The following SNX11 variants were observed in gnomAD, a reference collection of about 807,000 sequenced individuals.
SNX11 encodes sorting nexin 11.
In SNX11, 19 loss-of-function variants were observed where a neutral mutation model predicts 30.7. That is an observed-to-expected ratio of 0.62 (90% confidence interval 0.43 to 0.91). The LOEUF is 0.91. Among genes scored for constraint, SNX11 ranks in the 40% least tolerant of loss-of-function variants. The pLI is 0.00. For synonymous variants in SNX11, 112 were observed against 119.0 expected (o/e 0.94, Z 0.38); for missense variants, 302 against 326.7 (o/e 0.92, Z 0.58).
At chr17:48,109,993 AGCTCCACT>A (rs11278935) in intron 1 of SNX11, among the ~76,000 whole-genome samples, 88,786 of 137,508 alleles carry the variant, frequency 0.65, 26,412 homozygotes, top group East Asian at 0.81. Flanking sequence ...AAGATGTATG[AGCTCCACT>A]GAGTGGATGA....
intron 4 of SNX11, among the ~76,000 whole-genome samples, chr17:48,115,264 G>A (rs529425288): frequency 4.0e-5 from 6 of 150,914 alleles, no homozygotes; most frequent in African/African-American, 9.8e-5. Context: ...GTTTTACCAT[G>A]CTAGCCAGGC....
At chr17:48,120,980 TTA>T (rs2063595222) in intron 6 of SNX11, among the ~76,000 whole-genome samples, 1 of 151,658 alleles carries the variant, frequency 6.6e-6, no homozygotes, top group Non-Finnish European at 1.5e-5. Context: ...TCATTTTTGT[TTA>T]TATGTTCATA....
rs968811674 is a variant in SNX11, at chr17:48,118,642, G to A, written c.231-62G>A. 5.8e-6 allele frequency: 7 copies of A among 1,202,346 alleles called. No individual in the cohort carries two copies. The African/African-American group carries it at 9.1e-5, about 16-fold the overall frequency. 74.5% of individuals were successfully genotyped at this position (1,202,346 alleles called of 1,614,324 possible). ...TTTTTAAGGGATTTCCTTGATCAGA[G>A]GCCGGAATGACTATCTTAGATGTTA... On this transcript the variant is annotated intron_variant, in intron 4 of 6. Transcript: ENST00000359238.
At chr17:48,120,712 G>A (rs1367548855) in intron 6 of SNX11, among the ~76,000 whole-genome samples, 16 of 151,280 alleles carry the variant, frequency 1.1e-4, no homozygotes, top group Non-Finnish European at 1.5e-4. Context: ...GGGTTTCACC[G>A]TGTTAGCCAG....
chr17:48,114,078 A>C (rs2063518500), intron 4 of SNX11, among the ~76,000 whole-genome samples: 1 of 150,544 alleles, frequency 6.6e-6, no homozygotes, highest in Non-Finnish European at 1.5e-5. Flanking sequence ...CTGGTCTCAA[A>C]TTCCTGGACT....
In SNX11 at chr17:48,118,659, T is replaced by C. The variant is rs766246679; in HGVS notation, c.231-45T>C. ...TGATCAGAGGCCGGAATGACTATCT[T>C]AGATGTTACACTTATCATGGGTGTT... On this transcript the variant is annotated intron_variant, in intron 4 of 6. Coordinates refer to ENST00000359238, the MANE Select transcript of SNX11 (RefSeq NM_013323.3). 16 of 1,356,744 alleles carry C rather than the reference T, an allele frequency of 1.2e-5. No homozygotes were observed. In the South Asian group the frequency reaches 1.8e-4, roughly 15 times the overall value. The allele number at this position is 1,356,744 out of a possible 1,614,324, so 84.0% of individuals were successfully genotyped here.
chr17:48,116,130 G>T (rs1048892602), intron 4 of SNX11, among the ~76,000 whole-genome samples: 1 of 152,072 alleles, frequency 6.6e-6, no homozygotes, highest in African/African-American at 2.4e-5. Context: ...GTGGTGGCAG[G>T]TGCCTGTAAT....
Position 48,118,989 on chromosome 17 carries a change from G to A in SNX11, c.342G>A (p.Val114=). The A allele has an allele frequency of 6.2e-7, 1 of 1,614,050 alleles. No individual in the cohort carries two copies. Among genetic ancestry groups the A allele is most frequent in the Non-Finnish European group, 8.5e-7 (1 of 1,180,002 alleles). ...TTTTTCCCAGGGTCCTGCAGAGTGTGGTTCTCCTGTCAGACAGCCAGTTGC... is the reference window on the plus strand; with the variant it reads ...TTTTTCCCAGGGTCCTGCAGAGTGTAGTTCTCCTGTCAGACAGCCAGTTGC... ...QHFLEKVLQS[V]VLLSDSQLHL... The change falls in exon 6 of 7, where the codon GTG becomes GTA. Residue 114 remains valine (V), a synonymous_variant. Coordinates refer to ENST00000359238, the MANE Select transcript of SNX11 (RefSeq NM_013323.3).
rs368860741 is a variant in SNX11 at position 48,121,393 on chromosome 17, A to T, written c.698A>T (p.Asp233Val). 6.2e-7 allele frequency: 1 copy of T among 1,614,156 alleles called. No individual in the cohort carries two copies. Among genetic ancestry groups the T allele is most frequent in the South Asian group, 1.1e-5 (1 of 91,082 alleles). Residue 233 changes from aspartate to valine, a missense_variant, in exon 7 of 7, where the codon GAT becomes GTT. Transcript: ENST00000359238. ...CCCCTCTCCTCACCATTATGCTGTG[A>T]TTTTGGAAGACCCAAAGAGGGAACC... ...LPPLSSPLCC[D>V]FGRPKEGTST... is the part of the protein sequence containing the mutation.
intron 4 of SNX11, among the ~76,000 whole-genome samples, chr17:48,116,261 A>G (rs1392999893): frequency 6.6e-6 from 1 of 152,128 alleles, no homozygotes; most frequent in East Asian, 1.9e-4. Context: ...TCTCAAAAAC[A>G]ACAACAACAA....
Position 48,119,198 on chromosome 17 carries a change from A to G in SNX11, c.539+12A>G. 1.3e-6 allele frequency: 2 copies of G among 1,599,560 alleles called. No homozygotes were observed. Among genetic ancestry groups the G allele is most frequent in the Non-Finnish European group, 1.7e-6 (2 of 1,167,742 alleles). ...GACCAGCCTAAGAGGTAACTGGAGTACTCTTTGAGATAGCAGGGGCTAGGT... is the reference window on the plus strand; with the variant it reads ...GACCAGCCTAAGAGGTAACTGGAGTGCTCTTTGAGATAGCAGGGGCTAGGT... On this transcript the variant is annotated intron_variant, in intron 6 of 6. Coordinates refer to ENST00000359238, the MANE Select transcript of SNX11 (RefSeq NM_013323.3).
chr17:48,108,270 A>G (rs2063456876), intron 1 of SNX11, among the ~76,000 whole-genome samples: 1 of 152,238 alleles, frequency 6.6e-6, no homozygotes, highest in Non-Finnish European at 1.5e-5. Context: ...TGAAAGGCGT[A>G]CGATTAGAGA....
chr17:48,109,640 C>T (rs1223220812), intron 1 of SNX11, among the ~76,000 whole-genome samples: 4 of 151,018 alleles, frequency 2.6e-5, no homozygotes, highest in Non-Finnish European at 5.9e-5. Context: ...TGCAGTGGCG[C>T]GATCTCGGCT....
In SNX11 at chr17:48,121,364, C is replaced by A; in HGVS notation, c.669C>A (p.Leu223=). Residue 223 remains leucine, a synonymous_variant, in exon 7 of 7, where the codon CTC becomes CTA. Coordinates refer to ENST00000359238, the MANE Select transcript of SNX11 (RefSeq NM_013323.3). ...SEVPSLESPT[L]PPLSSPLCCD... ...TTCCTTCCTTGGAAAGTCCCACTCT[C>A]CCACCCCTCTCCTCACCATTATGCT... 1 of 1,614,222 alleles carries A rather than the reference C, an allele frequency of 6.2e-7. No homozygotes were observed. The highest frequency in any genetic ancestry group is 2.2e-5 in the East Asian group (1 of 44,884).
Position 48,118,724 on chromosome 17 carries a change from G to A in SNX11, c.251G>A (p.Gly84Glu), listed in dbSNP as rs748377850. Reference protein sequence around the residue: ...AGLVPVPELPGKSTFFGTSDE... With the variant: ...AGLVPVPELPEKSTFFGTSDE... ...CACAGGCCTGTTCCTGAACTTCCTG[G>A]GAAGTCAACCTTCTTCGGCACCTCA... Residue 84 changes from glycine (G) to glutamate (E), a missense_variant, in exon 5 of 7, where the codon GGG (glycine) becomes GAG (glutamate). Coordinates refer to ENST00000359238, the MANE Select transcript of SNX11 (RefSeq NM_013323.3). 6.2e-7 allele frequency: 1 copy of A among 1,613,996 alleles called. No homozygotes were observed.
rs757562884 is a variant in SNX11 at position 48,112,100 on chromosome 17, T to A, written c.42+15T>A. ...AAGAACAGGAGGTAAGAGTATGGTCTGCAGAGAACAGGTGGGTAAAAGTTG... is the reference window on the plus strand; with the variant it reads ...AAGAACAGGAGGTAAGAGTATGGTCAGCAGAGAACAGGTGGGTAAAAGTTG... On this transcript the variant is annotated intron_variant, in intron 2 of 6. Transcript: ENST00000359238. 1 of 1,612,538 alleles carries A rather than the reference T, an allele frequency of 6.2e-7. No homozygotes were observed. Among genetic ancestry groups the A allele is most frequent in the East Asian group, 2.2e-5 (1 of 44,896 alleles).
At chr17:48,110,065 TC>T (rs1369918907) in intron 1 of SNX11, among the ~76,000 whole-genome samples, 1 of 152,190 alleles carries the variant, frequency 6.6e-6, no homozygotes, top group Non-Finnish European at 1.5e-5. Context: ...TAAAGACACT[TC>T]AGAATATTTA....
At chr17:48,117,020 C>T (rs2063552209) in intron 4 of SNX11, among the ~76,000 whole-genome samples, 1 of 151,534 alleles carries the variant, frequency 6.6e-6, no homozygotes, top group South Asian at 2.1e-4. Flanking sequence ...TACAGGGGTG[C>T]ACCACCATGC....
intron 4 of SNX11, among the ~76,000 whole-genome samples, chr17:48,115,072 T>G (rs1472792723): frequency 2.7e-5 from 4 of 150,068 alleles, no homozygotes; most frequent in Non-Finnish European, 1.5e-5. Context: ...TTCTTTTTTT[T>G]TTTTTTTGAG....
Sources: gnomAD v4.1 joint callset for allele counts (sites outside exome capture counted in the v4.1 genomes callset) on GRCh38, gnomAD v4.1.1 for gene constraint, MANE v1.5 for transcripts, NCBI Gene and HGNC (gene_info 2026-07-23, HGNC 2026-07-21) for gene names.